Variants in ACTN1 observed in about 807,000 individuals in gnomAD.
ACTN1 encodes the protein alpha-actinin-1.
In ACTN1, 30 loss-of-function variants were observed where a neutral mutation model predicts 119.6. The ratio of observed to expected loss-of-function variants is 0.25; its 90% CI spans 0.19 to 0.34. The LOEUF is 0.34. Among genes scored for constraint, ACTN1 ranks in the 10% least tolerant of loss-of-function variants. ACTN1 has a pLI of 1.00. For missense variants in ACTN1, 764 were observed against 1,223.4 expected (o/e 0.62, Z 5.60); for synonymous variants, 429 against 472.6 (o/e 0.91, Z 1.20).
chr14:68,880,771 C>T lies in ACTN1; in HGVS notation c.2133+39G>A. The T allele has an allele frequency of 6.2e-7, 1 of 1,603,344 alleles. No homozygotes were observed. The highest frequency in any genetic ancestry group is 8.5e-7 in the Non-Finnish European group (1 of 1,172,518). On this transcript the variant is annotated intron_variant, in intron 17 of 21. Transcript: ENST00000394419. This position sits in a 1 kb window ranked among gnomAD's most constrained non-coding sequence, Gnocchi z 4.6. ...ACCCAGGAGAAAGAGCAGAAGGGGC[C>T]ACGGGCTCCCGAAGAGGAACAAGGC...
intron 1 of ACTN1, among the ~76,000 whole-genome samples, chr14:68,927,526 C>G (rs1045850329): frequency 2.4e-4 from 37 of 152,174 alleles, no homozygotes; most frequent in Non-Finnish European, 4.4e-5. Context: ...AAGTGGGGAA[C>G]TGGATGCAAA....
chr14:68,941,693 C>G (rs2035765567), intron 1 of ACTN1, among the ~76,000 whole-genome samples: 1 of 151,622 alleles, frequency 6.6e-6, no homozygotes, highest in Admixed American at 6.6e-5. Context: ...ACAAGAAAGA[C>G]AAGAGAAAGG....
intron 4 of ACTN1, among the ~76,000 whole-genome samples, chr14:68,911,209 ACTTAG>A (rs1471454071): frequency 6.6e-6 from 1 of 152,254 alleles, no homozygotes. Flanking sequence ...TAATGCTTCT[ACTTAG>A]CTTAAGCTCT....
intron 8 of ACTN1, among the ~76,000 whole-genome samples, chr14:68,901,217 G>GTTTTTTTTTTT (rs369274446): frequency 8.2e-6 from 1 of 121,794 alleles, no homozygotes; most frequent in Non-Finnish European, 1.8e-5. Context: ...GTTTTTTTTT[G>GTTTTTTTTTTT]TTTTTTTTTT....
chr14:68,924,106 G>A (rs188351108), intron 2 of ACTN1, among the ~76,000 whole-genome samples: 9 of 152,330 alleles, frequency 5.9e-5, no homozygotes, highest in African/African-American at 1.9e-4. Context: ...GGTTGCCAGG[G>A]GAGGGCCGGG....
chr14:68,948,606 C>A (rs2268981), intron 1 of ACTN1, among the ~76,000 whole-genome samples: 17,786 of 152,090 alleles, frequency 0.12, 2,088 homozygotes, highest in East Asian at 0.65. Flanking sequence ...GTTTTCTGAT[C>A]CCTATTTTAG....
At chr14:68,933,111 A>T (rs60020535) in intron 1 of ACTN1, among the ~76,000 whole-genome samples, 31,493 of 151,852 alleles carry the variant, frequency 0.21, 3,385 homozygotes, top group African/African-American at 0.23. Flanking sequence ...AGGACAAGTT[A>T]GTCCTTACCT....
intron 1 of ACTN1, among the ~76,000 whole-genome samples, chr14:68,954,111 G>GT (rs760925869): frequency 3.9e-5 from 6 of 151,958 alleles, no homozygotes; most frequent in Non-Finnish European, 5.9e-5. Flanking sequence ...CAATTATAAT[G>GT]TATTACTCTT....
chr14:68,950,462 G>GTGTGTGTGTGTGTGTATATATATA lies in ACTN1; in HGVS notation c.106-24791_106-24790insTATATATATACACACACACACACA. 1.7e-3 allele frequency among the ~76,000 whole-genome samples: 211 copies of GTGTGTGTGTGTGTGTATATATATA among 125,930 alleles called. 6 individuals carry two copies. The highest frequency in any genetic ancestry group is 2.8e-3 in the South Asian group (13 of 4,622). The allele number at this position is 125,930 out of a possible 152,430, so 82.6% of individuals were successfully genotyped here. Reference sequence around the variant, plus strand: ...TTTACCATAATATATATGCGTGTGTGTATATATATATATATAAATCAAACA... The same window carrying GTGTGTGTGTGTGTGTATATATATA: ...TTTACCATAATATATATGCGTGTGTGTGTGTGTGTGTGTGTATATATATATATATATATATATATAAATCAAACA... On this transcript the variant is annotated intron_variant, in intron 1 of 21. Transcript: ENST00000394419.
At position 68,909,943 on chromosome 14, in the gene ACTN1, C is replaced by T. The variant is rs1224433113; in HGVS notation, c.515+12G>A. On this transcript the variant is annotated intron_variant, in intron 5 of 21. Transcript: ENST00000394419. This position sits in a 1 kb window ranked among gnomAD's most constrained non-coding sequence, Gnocchi z 4.1. ...CTGGTTCTGTGAGAGCCCCTCAGAC[C>T]CCAGCACTCACCTTATGTGGAAGTT... The T allele has an allele frequency of 6.2e-7, 1 of 1,612,242 alleles. No individual in the cohort carries two copies. Among genetic ancestry groups the T allele is most frequent in the Non-Finnish European group, 8.5e-7 (1 of 1,178,460 alleles).
At chr14:68,972,430 A>T (rs117378744) in intron 1 of ACTN1, among the ~76,000 whole-genome samples, 23 of 152,296 alleles carry the variant, frequency 1.5e-4, no homozygotes, top group Non-Finnish European at 2.6e-4. Flanking sequence ...TACCTCTGGG[A>T]GGTGGGATGA....
chr14:68,884,630 G>A, intron 13 of ACTN1, 145 bp downstream of exon 13: 1 of 742,916 alleles, frequency 1.3e-6, no homozygotes, highest in South Asian at 1.8e-5. Flanking sequence ...GTGCCAAAGT[G>A]AATCTTCCAC....
At chr14:68,902,357 C>T in intron 8 of ACTN1, 120 bp downstream of exon 8, 2 of 859,996 alleles carry the variant, frequency 2.3e-6, no homozygotes, top group Non-Finnish European at 3.8e-6. Flanking sequence ...CTGCCTCTGT[C>T]CGAGAGACCA....
Position 68,885,375 on chromosome 14 carries a change from G to A in ACTN1, c.1385+50C>T. 1.4e-6 allele frequency: 2 copies of A among 1,471,738 alleles called. No individual in the cohort carries two copies. The highest frequency in any genetic ancestry group is 1.9e-5 in the Admixed American group (1 of 52,506). The allele number at this position is 1,471,738 out of a possible 1,614,324, so 91.2% of individuals were successfully genotyped here. On this transcript the variant is annotated intron_variant, in intron 12 of 21. Coordinates refer to ENST00000394419, the MANE Select transcript of ACTN1 (RefSeq NM_001130004.2). The surrounding 1 kb of genome is among the most constrained non-coding windows in gnomAD (Gnocchi z 5.6). ...CCCACCTCCCCCAGCAGCTGAGAAA[G>A]CCCAGCCTCAGCCCCTCACCACAGG...
intron 7 of ACTN1, among the ~76,000 whole-genome samples, chr14:68,904,097 A>G (rs12588059): frequency 0.43 from 65,035 of 151,810 alleles, 16,570 homozygotes; most frequent in African/African-American, 0.72. Context: ...TCCCAGACAG[A>G]TCAGAACTGG....
chr14:68,882,454 C>A lies in ACTN1; in HGVS notation c.1953+4G>T, dbSNP rs1415029178. On this transcript the variant is annotated splice_donor_region_variant and intron_variant, in intron 16 of 21. Coordinates refer to ENST00000394419, the MANE Select transcript of ACTN1 (RefSeq NM_001130004.2). This position sits in a 1 kb window ranked among gnomAD's most constrained non-coding sequence, Gnocchi z 4.5. ...CCAGCACTGCTTCCCAGCATGGGAC[C>A]CACCTCCATCTTGGTCTGGATCCAG... 9.9e-6 allele frequency: 16 copies of A among 1,613,930 alleles called. No individual in the cohort carries two copies. Among genetic ancestry groups the A allele is most frequent in the Non-Finnish European group, 1.4e-5 (16 of 1,179,866 alleles).
At chr14:68,935,076 G>T (rs902339377) in intron 1 of ACTN1, among the ~76,000 whole-genome samples, 10 of 152,102 alleles carry the variant, frequency 6.6e-5, no homozygotes, top group African/African-American at 2.2e-4. Context: ...AGGCTGGAGT[G>T]CAATGGCACA....
At chr14:68,896,962 T>C (rs1020692847) in intron 8 of ACTN1, among the ~76,000 whole-genome samples, 1 of 152,162 alleles carries the variant, frequency 6.6e-6, no homozygotes, top group Non-Finnish European at 1.5e-5. Flanking sequence ...TCCCTTAGTT[T>C]GTATTTTCAT....
chr14:68,970,463 T>G (rs1019149112), intron 1 of ACTN1, among the ~76,000 whole-genome samples: 1 of 152,208 alleles, frequency 6.6e-6, no homozygotes, highest in East Asian at 1.9e-4. Flanking sequence ...AAAATAAACC[T>G]GAGCCTCGGC....
Sources: gnomAD v4.1 joint callset for allele counts (sites outside exome capture counted in the v4.1 genomes callset) on GRCh38, gnomAD v4.1.1 for gene constraint, Gnocchi (gnomAD v3.1) non-coding constraint, MANE v1.5 for transcripts, NCBI Gene and HGNC (gene_info 2026-07-23, HGNC 2026-07-21) for gene names.